SIPA1L2: variants seen among roughly 807,000 people sequenced by gnomAD.
The protein encoded by SIPA1L2 is signal-induced proliferation-associated 1-like protein 2.
Under a neutral mutation model 163.9 loss-of-function variants are expected in SIPA1L2, and 56 were observed. The ratio of observed to expected loss-of-function variants is 0.34; its 90% CI spans 0.28 to 0.43. The LOEUF is 0.43. Ranked by LOEUF, SIPA1L2 falls within the 20% of genes least tolerant of loss-of-function variation. SIPA1L2 has a pLI of 1.00. For missense variants in SIPA1L2, 1,974 were observed against 2,193.5 expected, an observed-to-expected ratio of 0.90 and a Z score of 2.00; for synonymous variants, 877 against 865.7, an observed-to-expected ratio of 1.01 and a Z score of -0.23.
At chr1:232,463,556 A>G (rs961099729) in intron 9 of SIPA1L2, among the ~76,000 whole-genome samples, 4 of 152,350 alleles carry the variant, frequency 2.6e-5, no homozygotes, top group African/African-American at 4.8e-5. Context: ...GATGGAGTCC[A>G]TCGAATAGCA....
chr1:232,538,279 T>A (rs934814355), intron 2 of SIPA1L2, among the ~76,000 whole-genome samples: 1 of 152,140 alleles, frequency 6.6e-6, no homozygotes, highest in Non-Finnish European at 1.5e-5. Flanking sequence ...CTCAGGCATG[T>A]CAGACAAGAG....
At chr1:232,460,723 C>T (rs2357068) in intron 10 of SIPA1L2, among the ~76,000 whole-genome samples, 164 bp downstream of exon 10, 45,976 of 152,136 alleles carry the variant, frequency 0.3, 7,574 homozygotes, top group East Asian at 0.58. Context: ...ATTCCTCGAA[C>T]GAGTGACATC....
intron 17 of SIPA1L2, among the ~76,000 whole-genome samples, chr1:232,426,394 C>A (rs1352189950): frequency 6.6e-6 from 1 of 152,090 alleles, no homozygotes. Flanking sequence ...GGCACAGTGG[C>A]TCATGCCTGG....
At chr1:232,489,979 A>T (rs1198081896) in intron 5 of SIPA1L2, among the ~76,000 whole-genome samples, 1 of 152,146 alleles carries the variant, frequency 6.6e-6, no homozygotes, top group Non-Finnish European at 1.5e-5. Flanking sequence ...ATCTCCACAT[A>T]GCCATCAGTC....
At chr1:232,623,239 C>T (rs1336014574) in intron 1 of SIPA1L2, among the ~76,000 whole-genome samples, 1 of 152,198 alleles carries the variant, frequency 6.6e-6, no homozygotes, top group Admixed American at 6.5e-5. Context: ...GCTAGGCTGT[C>T]AATCTGAACT....
intron 10 of SIPA1L2, among the ~76,000 whole-genome samples, chr1:232,449,450 G>A (rs927479815): frequency 2.0e-5 from 3 of 151,360 alleles, no homozygotes; most frequent in Admixed American, 6.6e-5. Flanking sequence ...CCCAAGAGGC[G>A]GAGCTTGCAG....
At chr1:232,472,103 A>G (rs1336947061) in intron 7 of SIPA1L2, among the ~76,000 whole-genome samples, 2 of 152,230 alleles carry the variant, frequency 1.3e-5, no homozygotes. Context: ...CAGAAGCCCA[A>G]TCATTTGTAA....
At chr1:232,535,256 A>T (rs146034586) in intron 2 of SIPA1L2, among the ~76,000 whole-genome samples, 108 of 152,246 alleles carry the variant, frequency 7.1e-4, no homozygotes, top group African/African-American at 2.3e-3. Flanking sequence ...GTTTTTTTTT[A>T]AAGCTGTCAT....
At chr1:232,415,399 TGGGAGACAG>T in intron 19 of SIPA1L2, 86 bp downstream of exon 19, 1 of 1,426,392 alleles carries the variant, frequency 7.0e-7, no homozygotes, top group South Asian at 1.5e-5. Context: ...GACCAGACGA[TGGGAGACAG>T]ACGGGCTCCC....
intron 10 of SIPA1L2, among the ~76,000 whole-genome samples, chr1:232,447,513 G>A (rs1311304617): frequency 1.3e-5 from 2 of 152,234 alleles, no homozygotes; most frequent in Non-Finnish European, 2.9e-5. Flanking sequence ...TGTGTGCTCT[G>A]CACAGATGCC....
chr1:232,567,341 T>G (rs1446274178), intron 2 of SIPA1L2, among the ~76,000 whole-genome samples: 1 of 152,184 alleles, frequency 6.6e-6, no homozygotes, highest in African/African-American at 2.4e-5. Flanking sequence ...AATGAGAGAC[T>G]GCATCTGTCA....
chr1:232,593,371 G>A (rs1573139679), intron 1 of SIPA1L2, among the ~76,000 whole-genome samples: 1 of 152,106 alleles, frequency 6.6e-6, no homozygotes, highest in African/African-American at 2.4e-5. Flanking sequence ...CAGCACGCAC[G>A]GGCTGTGTGC....
intron 2 of SIPA1L2, among the ~76,000 whole-genome samples, chr1:232,523,419 G>T (rs929270679): frequency 1.3e-5 from 2 of 152,186 alleles, no homozygotes; most frequent in African/African-American, 2.4e-5. Context: ...CTGAATTACA[G>T]ATGGCACAGC....
At chr1:232,473,296 C>T (rs1186254026) in intron 7 of SIPA1L2, among the ~76,000 whole-genome samples, 1 of 152,178 alleles carries the variant, frequency 6.6e-6, no homozygotes, top group Non-Finnish European at 1.5e-5. Flanking sequence ...GACTACAAAA[C>T]ACAGCAGTTC....
At chr1:232,499,742 C>G (rs1486645840) in intron 3 of SIPA1L2, among the ~76,000 whole-genome samples, 1 of 152,162 alleles carries the variant, frequency 6.6e-6, no homozygotes, top group Admixed American at 6.5e-5. Context: ...AAAGAAGATG[C>G]CATCCAGAAT....
chr1:232,479,348 A>T (rs1665204253), intron 7 of SIPA1L2, among the ~76,000 whole-genome samples: 1 of 152,218 alleles, frequency 6.6e-6, no homozygotes, highest in Non-Finnish European at 1.5e-5. Context: ...TTTCGTAATT[A>T]ACATATAGTT....
chr1:232,423,297 A>T (rs759603626), intron 18 of SIPA1L2, among the ~76,000 whole-genome samples: 1 of 152,202 alleles, frequency 6.6e-6, no homozygotes, highest in African/African-American at 2.4e-5. Context: ...TTATCTGGAC[A>T]TGGCCCCATC....
intron 18 of SIPA1L2, among the ~76,000 whole-genome samples, chr1:232,423,329 A>G (rs985986620): frequency 5.3e-5 from 8 of 152,206 alleles, no homozygotes; most frequent in African/African-American, 1.9e-4. Context: ...AGCATCTATA[A>G]TCACATAGGC....
Position 232,479,601 on chromosome 1 carries a change from A to G in SIPA1L2, c.2085+26T>C, listed in dbSNP as rs1025113478. The G allele has an allele frequency of 2.5e-6, 4 of 1,590,652 alleles. No homozygotes were observed. The African/African-American group carries it at 4.0e-5, about 16-fold the overall frequency. On this transcript the variant is annotated intron_variant, in intron 7 of 22. Coordinates refer to ENST00000674635, the MANE Select transcript of SIPA1L2 (RefSeq NM_020808.5). Reference sequence around the variant, plus strand: ...ACCTCAGATTTCATACTCAGCGTAAAAAGCTCCAGGCTGGGGAGGACATAC... The same window carrying G: ...ACCTCAGATTTCATACTCAGCGTAAGAAGCTCCAGGCTGGGGAGGACATAC...
Sources: allele counts gnomAD v4.1 joint callset (sites outside exome capture counted in the v4.1 genomes callset), GRCh38; gene constraint gnomAD v4.1.1; transcripts MANE v1.5; gene names NCBI Gene and HGNC (gene_info 2026-07-23, HGNC 2026-07-21).